SNTG1: variants seen among roughly 807,000 people sequenced by gnomAD.
The protein encoded by SNTG1 is syntrophin gamma 1.
A neutral mutation model predicts 74.7 loss-of-function variants in SNTG1; 39 were observed. The observed-to-expected ratio is 0.52, with a 90% CI of 0.40 to 0.68. SNTG1 has a LOEUF of 0.68. Ranked by LOEUF, SNTG1 falls within the 30% of genes least tolerant of loss-of-function variation. The pLI is 0.00. For synonymous variants in SNTG1, 254 were observed against 217.1 expected (o/e 1.17, Z -1.49); for missense variants, 685 against 609.5 (o/e 1.12, Z -1.30).
intron 1 of SNTG1, among the ~76,000 whole-genome samples, chr8:50,045,162 C>T (rs1218821388): frequency 2.0e-5 from 3 of 152,110 alleles, no homozygotes; most frequent in African/African-American, 7.2e-5. Context: ...TCCCTTAACT[C>T]GCTTGGTGTA....
intron 1 of SNTG1, among the ~76,000 whole-genome samples, chr8:50,088,150 A>G (rs1050599805): frequency 6.0e-5 from 9 of 151,160 alleles, no homozygotes; most frequent in African/African-American, 2.2e-4. Flanking sequence ...CATGGCGTAT[A>G]TGTGCCACAT....
At chr8:50,154,159 G>A (rs1396219623) in intron 1 of SNTG1, among the ~76,000 whole-genome samples, 4 of 152,118 alleles carry the variant, frequency 2.6e-5, no homozygotes, top group Admixed American at 2.6e-4. Flanking sequence ...AGACTGCTGT[G>A]CTACCAGTAG....
chr8:50,511,633 A>G (rs574176175), intron 9 of SNTG1, among the ~76,000 whole-genome samples: 49 of 152,194 alleles, frequency 3.2e-4, no homozygotes, highest in African/African-American at 1.2e-3. Flanking sequence ...GGATAGTTAG[A>G]TCTTCTTGTT....
intron 12 of SNTG1, among the ~76,000 whole-genome samples, chr8:50,588,636 C>A (rs1354603699): frequency 6.6e-6 from 1 of 152,142 alleles, no homozygotes; most frequent in Non-Finnish European, 1.5e-5. Flanking sequence ...AGTATTCAAG[C>A]ATTGACTCAT....
At chr8:50,177,337 C>T (rs1563699470) in intron 2 of SNTG1, among the ~76,000 whole-genome samples, 1 of 152,108 alleles carries the variant, frequency 6.6e-6, no homozygotes, top group Non-Finnish European at 1.5e-5. Flanking sequence ...TCTTCCTTGC[C>T]TTCAGGCTGG....
chr8:50,074,099 T>C lies in SNTG1; in HGVS notation c.-102-98462T>C, dbSNP rs933885906. On this transcript the variant is annotated intron_variant, in intron 1 of 18. Coordinates refer to ENST00000642720, the MANE Select transcript of SNTG1 (RefSeq NM_018967.5). ...ATGAAAGTCCTAGATGACTTCTTCT[T>C]CCAATATAAGGCTGTTTTGTCTACA... Among the ~76,000 whole-genome samples the C allele has an allele frequency of 2.7e-4, 41 of 152,016 alleles. 1 individual carries two copies. Among genetic ancestry groups the C allele is most frequent in the Admixed American group, 2.6e-3 (40 of 15,250 alleles).
rs926300943 is a variant in SNTG1, at chr8:49,937,401, G to T, written c.-103+25170G>T. Among the ~76,000 whole-genome samples the T allele has an allele frequency of 1.3e-5, 2 of 152,172 alleles. 1 individual carries two copies. The highest frequency in any genetic ancestry group is 2.9e-5 in the Non-Finnish European group (2 of 68,032). ...GTTCAGCGTGCTGATAATGGCAATG[G>T]TTTCGAACTATACACTTTAAATATG... is the stretch of plus-strand genomic sequence containing the variant. On this transcript the variant is annotated intron_variant, in intron 1 of 18. Coordinates refer to ENST00000642720, the MANE Select transcript of SNTG1 (RefSeq NM_018967.5).
At chr8:50,190,730 C>A (rs992253281) in intron 2 of SNTG1, among the ~76,000 whole-genome samples, 1 of 152,112 alleles carries the variant, frequency 6.6e-6, no homozygotes, top group Non-Finnish European at 1.5e-5. Flanking sequence ...CATTTTACTA[C>A]CTCCTGTTGA....
At chr8:50,792,104 G>A (rs1298802378) in intron 18 of SNTG1, among the ~76,000 whole-genome samples, 1 of 148,806 alleles carries the variant, frequency 6.7e-6, no homozygotes, top group Non-Finnish European at 1.5e-5. Context: ...TAGTAAATAT[G>A]CCACATAAAC....
intron 1 of SNTG1, among the ~76,000 whole-genome samples, chr8:50,013,476 TAG>T (rs1487559846): frequency 6.8e-6 from 1 of 147,894 alleles, no homozygotes; most frequent in Non-Finnish European, 1.5e-5. Flanking sequence ...GATAGATAGA[TAG>T]ATAGATAGAT....
chr8:50,406,964 C>T (rs779526540), intron 4 of SNTG1, among the ~76,000 whole-genome samples: 1 of 152,102 alleles, frequency 6.6e-6, no homozygotes, highest in African/African-American at 2.4e-5. Flanking sequence ...TTTCAGATAA[C>T]CAGATATTCT....
intron 2 of SNTG1, among the ~76,000 whole-genome samples, chr8:50,325,830 G>C (rs1235997278): frequency 6.6e-6 from 1 of 151,986 alleles, no homozygotes; most frequent in Non-Finnish European, 1.5e-5. Context: ...CAGTGGAAAA[G>C]CTTTTGGTTT....
chr8:50,427,761 C>A (rs1177847933), intron 4 of SNTG1, among the ~76,000 whole-genome samples: 2 of 151,666 alleles, frequency 1.3e-5, no homozygotes, highest in Non-Finnish European at 2.9e-5. Flanking sequence ...TAAAAATATT[C>A]TCAGAACAAA....
intron 2 of SNTG1, among the ~76,000 whole-genome samples, chr8:50,380,095 A>T (rs2092456143): frequency 1.3e-5 from 2 of 152,224 alleles, no homozygotes; most frequent in African/African-American, 4.8e-5. Flanking sequence ...AGAGAAGCAA[A>T]CTGCTCTCTG....
At chr8:49,952,629 C>G (rs1219486998) in intron 1 of SNTG1, among the ~76,000 whole-genome samples, 1 of 152,170 alleles carries the variant, frequency 6.6e-6, no homozygotes, top group Admixed American at 6.5e-5. Context: ...TTCTTATCAA[C>G]AGCCACCAAA....
chr8:50,450,191 T>C (rs1280927726), intron 6 of SNTG1, among the ~76,000 whole-genome samples: 1 of 152,222 alleles, frequency 6.6e-6, no homozygotes, highest in Non-Finnish European at 1.5e-5. Context: ...TGTTTAAAAA[T>C]GAACTTGGAG....
chr8:50,180,103 A>T (rs1460725841), intron 2 of SNTG1, among the ~76,000 whole-genome samples: 1 of 152,228 alleles, frequency 6.6e-6, no homozygotes, highest in Non-Finnish European at 1.5e-5. Context: ...TTCAGTCTTA[A>T]AAAAGGACAT....
At chr8:50,320,695 G>A (rs1253100040) in intron 2 of SNTG1, among the ~76,000 whole-genome samples, 1 of 151,632 alleles carries the variant, frequency 6.6e-6, no homozygotes, top group East Asian at 1.9e-4. Flanking sequence ...TATCCCACAG[G>A]TTTTGGTATG....
chr8:50,599,618 A>G (rs916708109), intron 13 of SNTG1, among the ~76,000 whole-genome samples: 7 of 151,874 alleles, frequency 4.6e-5, no homozygotes, highest in Non-Finnish European at 1.0e-4. Flanking sequence ...TACAGTTTTG[A>G]TTTCATTTTC....
Sources: gnomAD v4.1 joint callset for allele counts (sites outside exome capture counted in the v4.1 genomes callset) on GRCh38, gnomAD v4.1.1 for gene constraint, MANE v1.5 for transcripts, NCBI Gene and HGNC (gene_info 2026-07-23, HGNC 2026-07-21) for gene names.